The following PTPRD variants were observed in gnomAD, a reference collection of about 807,000 sequenced individuals.
The protein encoded by PTPRD is receptor-type tyrosine-protein phosphatase delta.
A neutral mutation model predicts 214.5 loss-of-function variants in PTPRD; 34 were observed. That is an observed-to-expected ratio of 0.16 (90% CI 0.12 to 0.21). PTPRD has a LOEUF of 0.21. PTPRD is among the 10% of genes least tolerant of loss of function. PTPRD has a pLI of 1.00. For synonymous variants in PTPRD, 1,128 were observed against 845.7 expected (o/e 1.33, Z -5.79); for missense variants, 2,545 against 2,398.7 (o/e 1.06, Z -1.27).
At chr9:10,045,273 T>C (rs1445613258) in intron 3 of PTPRD, among the ~76,000 whole-genome samples, 3 of 151,774 alleles carry the variant, frequency 2.0e-5, no homozygotes, top group African/African-American at 7.2e-5. Context: ...TGGAAAAACA[T>C]TTTAACAATT....
At chr9:10,006,905 A>C (rs2096489452) in intron 4 of PTPRD, among the ~76,000 whole-genome samples, 1 of 151,978 alleles carries the variant, frequency 6.6e-6, no homozygotes, top group Admixed American at 6.6e-5. Flanking sequence ...GACTTTCAAT[A>C]GTCAAAATTT....
chr9:8,501,034 A>C lies in PTPRD; in HGVS notation c.1848T>G (p.Ile616Met). ...TAGTGGAACTTGGGCTGGTGCAACT[A>C]ATGTCTTGAGGAGGAGCTGACGGCT... is the stretch of plus-strand genomic sequence containing the variant. ...QSKPSAPPQD[I>M]SCTSPSSTSI... The change falls in exon 24 of 46, where the codon ATT becomes ATG. Residue 616 changes from isoleucine (I) to methionine (M), a missense_variant. Coordinates refer to ENST00000381196, the MANE Select transcript of PTPRD (RefSeq NM_002839.4). 5 of 1,613,876 alleles carry C rather than the reference A, an allele frequency of 3.1e-6. No homozygotes were observed. The highest frequency in any genetic ancestry group is 3.4e-6 in the Non-Finnish European group (4 of 1,179,822).
chr9:9,312,958 G>T (rs1222304023), intron 9 of PTPRD, among the ~76,000 whole-genome samples: 1 of 151,978 alleles, frequency 6.6e-6, no homozygotes, highest in African/African-American at 2.4e-5. Flanking sequence ...CACCACTATG[G>T]CTACCATTAC....
chr9:9,203,641 A>T (rs2099943171), intron 9 of PTPRD, among the ~76,000 whole-genome samples: 1 of 152,060 alleles, frequency 6.6e-6, no homozygotes, highest in African/African-American at 2.4e-5. Flanking sequence ...CCTCCCCTTG[A>T]TCCATTCTCT....
intron 9 of PTPRD, among the ~76,000 whole-genome samples, chr9:9,332,965 T>C (rs1313373628): frequency 1.3e-5 from 2 of 152,032 alleles, no homozygotes; most frequent in Non-Finnish European, 2.9e-5. Flanking sequence ...GAAGCAAAAG[T>C]GATCTAAAGT....
chr9:10,424,697 T>C (rs1282420138), intron 2 of PTPRD, among the ~76,000 whole-genome samples: 1 of 151,964 alleles, frequency 6.6e-6, no homozygotes, highest in Non-Finnish European at 1.5e-5. Flanking sequence ...GAGTTTCTAA[T>C]GCTCATAAAT....
At chr9:9,145,845 T>C (rs1237692986) in intron 10 of PTPRD, among the ~76,000 whole-genome samples, 4 of 152,164 alleles carry the variant, frequency 2.6e-5, no homozygotes, top group Non-Finnish European at 5.9e-5. Flanking sequence ...AGGCAAAAGA[T>C]ACCTGACAAT....
chr9:8,722,518 G>A (rs1036854838), intron 12 of PTPRD, among the ~76,000 whole-genome samples: 1 of 151,338 alleles, frequency 6.6e-6, no homozygotes, highest in Admixed American at 6.6e-5. Context: ...TTCTTAAATG[G>A]AAGAAGTTTA....
At chr9:8,467,895 A>T (rs897270075) in intron 31 of PTPRD, among the ~76,000 whole-genome samples, 4 of 151,982 alleles carry the variant, frequency 2.6e-5, no homozygotes, top group African/African-American at 9.7e-5. Flanking sequence ...AAGAAGGAAA[A>T]TGCACTGCAG....
chr9:9,260,262 G>C (rs16929122), intron 9 of PTPRD, among the ~76,000 whole-genome samples: 10,413 of 151,816 alleles, frequency 0.069, 1,044 homozygotes, highest in East Asian at 0.47. Context: ...CCCTGAACTT[G>C]AAATATGGAA....
intron 14 of PTPRD, among the ~76,000 whole-genome samples, chr9:8,588,939 C>G (rs2093887138): frequency 6.6e-6 from 1 of 151,768 alleles, no homozygotes; most frequent in East Asian, 1.9e-4. Flanking sequence ...ACCGAAGAGC[C>G]AAGGAATTTG....
chr9:8,970,937 CA>C (rs1470561599), intron 11 of PTPRD, among the ~76,000 whole-genome samples: 2 of 148,516 alleles, frequency 1.3e-5, no homozygotes, highest in African/African-American at 4.9e-5. Flanking sequence ...AAAAACCAAA[CA>C]AAAAACACAG....
intron 12 of PTPRD, among the ~76,000 whole-genome samples, chr9:8,706,937 G>T (rs896683497): frequency 6.6e-6 from 1 of 152,140 alleles, no homozygotes; most frequent in Non-Finnish European, 1.5e-5. Flanking sequence ...CACAAATGAA[G>T]AGGCGAATGA....
At chr9:9,024,347 TG>T (rs2099579990) in intron 10 of PTPRD, among the ~76,000 whole-genome samples, 7 of 50,210 alleles carry the variant, frequency 1.4e-4, no homozygotes, top group African/African-American at 2.7e-4. Context: ...TGTTTTTTTT[TG>T]TTTGTTTTTT....
intron 8 of PTPRD, among the ~76,000 whole-genome samples, chr9:9,485,575 T>C (rs2095595112): frequency 6.6e-6 from 1 of 152,174 alleles, no homozygotes; most frequent in South Asian, 2.1e-4. Flanking sequence ...TAGTAGATAA[T>C]CTAGTCTCTT....
chr9:9,220,183 C>T (rs1233978119), intron 9 of PTPRD, among the ~76,000 whole-genome samples: 1 of 151,954 alleles, frequency 6.6e-6, no homozygotes, highest in East Asian at 1.9e-4. Context: ...ATGCCTGTGA[C>T]ATTTTTAGAG....
intron 11 of PTPRD, among the ~76,000 whole-genome samples, chr9:8,803,632 G>C (rs980199002): frequency 1.2e-4 from 18 of 151,980 alleles, no homozygotes; most frequent in African/African-American, 4.4e-4. Flanking sequence ...GCTGAAGTGG[G>C]AGGACTGCTT....
intron 34 of PTPRD, among the ~76,000 whole-genome samples, chr9:8,445,757 A>G (rs572049605): frequency 4.9e-4 from 75 of 152,326 alleles, no homozygotes; most frequent in Non-Finnish European, 8.7e-4. Context: ...TCACAATTAC[A>G]TTATGCTCAA....
intron 39 of PTPRD, among the ~76,000 whole-genome samples, chr9:8,359,141 A>G (rs2077786461): frequency 8.5e-6 from 1 of 117,060 alleles, no homozygotes; most frequent in Admixed American, 9.4e-5. Context: ...AAAAAAAACA[A>G]AAAAAAATTG....
Sources: allele counts gnomAD v4.1 joint callset (sites outside exome capture counted in the v4.1 genomes callset), GRCh38; gene constraint gnomAD v4.1.1; transcripts MANE v1.5; gene names NCBI Gene and HGNC (gene_info 2026-07-23, HGNC 2026-07-21).